Variants in ANK1 observed in about 807,000 individuals in gnomAD.
ANK1 encodes the protein ankyrin-1.
A neutral mutation model predicts 210.4 loss-of-function variants in ANK1; 51 were observed. That is an observed-to-expected ratio of 0.24 (90% confidence interval 0.19 to 0.31). The LOEUF is 0.31. Among genes scored for constraint, ANK1 ranks in the 10% least tolerant of loss-of-function variants. ANK1 has a pLI of 1.00. For missense variants in ANK1, 2,051 were observed against 2,504.4 expected, an observed-to-expected ratio of 0.82 and a Z score of 3.86; for synonymous variants, 967 against 1,025.9, an observed-to-expected ratio of 0.94 and a Z score of 1.10.
intron 1 of ANK1, among the ~76,000 whole-genome samples, chr8:41,857,384 G>C (rs1812399155): frequency 6.6e-6 from 1 of 151,268 alleles, no homozygotes; most frequent in African/African-American, 2.4e-5. Context: ...GATCAACCGA[G>C]GTCAGGAGTT....
chr8:41,692,527 G>T (rs955972982), intron 31 of ANK1, 121 bp downstream of exon 31: 64 of 987,992 alleles, frequency 6.5e-5, no homozygotes, highest in Non-Finnish European at 8.9e-5. Context: ...CTCAAAGACA[G>T]ACAGCTGTGG....
In ANK1 at chr8:41,717,007, C is replaced by T. The variant is rs769803878; in HGVS notation, c.1350G>A (p.Thr450=). Residue 450 remains threonine, a synonymous_variant, in exon 13 of 43, where the codon ACG becomes ACA. Coordinates refer to ENST00000289734, the MANE Select transcript of ANK1 (RefSeq NM_000037.4). The part of the protein sequence containing the change: ...PLHMAARAGH[T]EVAKYLLQNK... ...TCTGGAGTAAATATTTGGCCACTTC[C>T]GTGTGCCCGGCTCTGGCTGCCATGT... 28 of 1,614,100 alleles carry T rather than the reference C, an allele frequency of 1.7e-5. No homozygotes were observed. In the Middle Eastern group the frequency reaches 4.9e-4, roughly 28 times the overall value.
At chr8:41,836,940 A>C (rs1461559489) in intron 1 of ANK1, among the ~76,000 whole-genome samples, 3 of 150,214 alleles carry the variant, frequency 2.0e-5, no homozygotes, top group Admixed American at 2.0e-4. Flanking sequence ...AAAAAAAAAA[A>C]CAAAAGGAGG....
intron 1 of ANK1, among the ~76,000 whole-genome samples, chr8:41,775,949 G>A (rs1843936824): frequency 6.6e-6 from 1 of 152,180 alleles, no homozygotes; most frequent in South Asian, 2.1e-4. Context: ...CATGTTAGAT[G>A]TTAACACATT....
chr8:41,688,272 A>T (rs988896983), intron 34 of ANK1, 42 bp from the exon 35 acceptor site: 1 of 1,601,974 alleles, frequency 6.2e-7, no homozygotes. Context: ...CCAGGGCAGG[A>T]CACAGTTGAC....
intron 1 of ANK1, among the ~76,000 whole-genome samples, chr8:41,873,210 C>T (rs751395250): frequency 6.6e-6 from 1 of 152,180 alleles, no homozygotes; most frequent in African/African-American, 2.4e-5. Flanking sequence ...ATTTTCTTCC[C>T]GATTGCCTCG....
intron 2 of ANK1, among the ~76,000 whole-genome samples, chr8:41,754,567 C>T (rs552360882): frequency 1.3e-5 from 2 of 152,322 alleles, no homozygotes; most frequent in Admixed American, 1.3e-4. Flanking sequence ...GTTACTGCCA[C>T]CACAGTCCAT....
intron 1 of ANK1, among the ~76,000 whole-genome samples, chr8:41,838,690 G>A (rs769364628): frequency 4.6e-5 from 7 of 151,346 alleles, no homozygotes; most frequent in South Asian, 2.1e-4. Flanking sequence ...GCTTGAACCC[G>A]GGAGGCAGAG....
intron 20 of ANK1, among the ~76,000 whole-genome samples, chr8:41,703,436 A>T (rs1189583145): frequency 1.5e-5 from 1 of 68,042 alleles, no homozygotes; most frequent in African/African-American, 5.7e-5. Flanking sequence ...ATATATATAT[A>T]TATATATATA....
intron 7 of ANK1, 117 bp from the exon 8 acceptor site, chr8:41,723,750 G>A: frequency 1.3e-6 from 1 of 764,638 alleles, no homozygotes. Flanking sequence ...AGCGTTGTCA[G>A]GGCATTTCTG....
intron 1 of ANK1, among the ~76,000 whole-genome samples, chr8:41,816,610 G>A (rs1181414609): frequency 6.6e-6 from 1 of 151,810 alleles, no homozygotes; most frequent in Non-Finnish European, 1.5e-5. Flanking sequence ...TTTATTTTTT[G>A]TAGACACAGG....
intron 2 of ANK1, among the ~76,000 whole-genome samples, chr8:41,757,042 G>A (rs951359141): frequency 1.3e-5 from 2 of 152,206 alleles, no homozygotes; most frequent in Non-Finnish European, 2.9e-5. Context: ...GGGAGTAGTC[G>A]GAAATGGGGC....
At chr8:41,793,667 C>T (rs1184820163) in intron 1 of ANK1, among the ~76,000 whole-genome samples, 1 of 152,184 alleles carries the variant, frequency 6.6e-6, no homozygotes, top group Non-Finnish European at 1.5e-5. Context: ...CACTTACACC[C>T]GAGCTTTCTT....
At chr8:41,664,823 C>T (rs372884432) in intron 39 of ANK1, 18 of 1,609,716 alleles carry the variant, frequency 1.1e-5, no homozygotes, top group Non-Finnish European at 1.4e-5. Flanking sequence ...AGACCCGCCG[C>T]CGGACCACCC....
Position 41,668,455 on chromosome 8 carries a change from T to C in ANK1, c.5206A>G (p.Ser1736Gly), listed in dbSNP as rs1265326754. Residue 1736 changes from serine (S) to glycine (G), a missense_variant, in exon 39 of 43, where the codon AGT (serine) becomes GGT (glycine). Around this residue, in one of 6 missense-constraint regions of ANK1, gnomAD observed 496 missense variants for 533.4 expected, o/e 0.93. Transcript: ENST00000289734. ...TQGPHSFQGT[S>G]TMTEGLEPGG... ...GGCTCTAGCCCTTCAGTCATGGTAC[T>C]TGTTCCCTGGAATGAGTGTGGACCT... 2 of 1,614,256 alleles carry C rather than the reference T, an allele frequency of 1.2e-6. No homozygotes were observed. The highest frequency in any genetic ancestry group is 1.7e-5 in the Admixed American group (1 of 60,036).
chr8:41,896,328 TG>T (rs1820534932), intron 1 of ANK1: 6 of 1,581,882 alleles, frequency 3.8e-6, no homozygotes, highest in Middle Eastern at 1.7e-4. Context: ...CCGCGGTCGC[TG>T]GGCTTTCACC....
At chr8:41,814,681 CTATT>C (rs1489427167) in intron 1 of ANK1, among the ~76,000 whole-genome samples, 1 of 151,610 alleles carries the variant, frequency 6.6e-6, no homozygotes, top group Non-Finnish European at 1.5e-5. Flanking sequence ...ACCTGACAAG[CTATT>C]TATTTATTTT....
chr8:41,699,203 G>A (rs1369127697), intron 23 of ANK1, among the ~76,000 whole-genome samples: 2 of 152,108 alleles, frequency 1.3e-5, no homozygotes, highest in Non-Finnish European at 2.9e-5. Context: ...TGGGAGCCTG[G>A]GTGGGAGAGG....
rs748432056 is a variant in ANK1 at position 41,690,577 on chromosome 8, A to T, written c.3881T>A (p.Phe1294Tyr). ...DIEVLEGMSL[F>Y]AELSGNLVPV... is the part of the protein sequence containing the mutation. ...CACCAGGTTCCCAGAGAGTTCTGCA[A>T]ACAGGGACATTCCTTCCAACACCTG... Residue 1294 changes from phenylalanine (F) to tyrosine (Y), a missense_variant, in exon 32 of 43, where the codon TTT becomes TAT. Around this residue, in one of 6 missense-constraint regions of ANK1, gnomAD observed 1,413 missense variants for 1,707.4 expected, o/e 0.83. Coordinates refer to ENST00000289734, the MANE Select transcript of ANK1 (RefSeq NM_000037.4). 84 of 1,613,590 alleles carry T rather than the reference A, an allele frequency of 5.2e-5. No homozygotes were observed. Among genetic ancestry groups the T allele is most frequent in the Non-Finnish European group, 7.0e-5 (83 of 1,179,980 alleles).
Sources: gnomAD v4.1 joint callset for allele counts (sites outside exome capture counted in the v4.1 genomes callset) on GRCh38, gnomAD v4.1.1 for gene constraint, gnomAD v4.1.1 regional missense constraint, MANE v1.5 for transcripts, NCBI Gene and HGNC (gene_info 2026-07-23, HGNC 2026-07-21) for gene names.